The following CREB5 variants were observed in gnomAD, a reference collection of about 807,000 sequenced individuals.
The protein encoded by CREB5 is cyclic AMP-responsive element-binding protein 5.
In CREB5, 19 loss-of-function variants were observed where a neutral mutation model predicts 57.1. That is an observed-to-expected ratio of 0.33 (90% CI 0.23 to 0.49). CREB5 has a LOEUF of 0.49. Ranked by LOEUF, CREB5 falls within the 20% of genes least tolerant of loss-of-function variation. CREB5 has a pLI of 0.99. For synonymous variants in CREB5, 238 were observed against 238.3 expected, an observed-to-expected ratio of 1.00 and a Z score of 0.01; for missense variants, 579 against 671.6, an observed-to-expected ratio of 0.86 and a Z score of 1.52.
chr7:28,792,673 T>C (rs957017088), intron 7 of CREB5, among the ~76,000 whole-genome samples: 1 of 152,212 alleles, frequency 6.6e-6, no homozygotes, highest in South Asian at 2.1e-4. Context: ...AGATTCCGTA[T>C]TTTTTATTCT....
At chr7:28,431,735 G>A (rs961126467) in intron 1 of CREB5, among the ~76,000 whole-genome samples, 1 of 152,130 alleles carries the variant, frequency 6.6e-6, no homozygotes. Flanking sequence ...ACTTGAAGAT[G>A]AAGAAAAAGA....
Position 28,342,872 on chromosome 7 carries a change from A to G in CREB5, c.-25+43431A>G, listed in dbSNP as rs115084566. Among the ~76,000 whole-genome samples the G allele has an allele frequency of 5.3e-3, 803 of 152,322 alleles. 8 individuals are homozygous for G. The highest frequency in any genetic ancestry group is 0.019 in the African/African-American group (770 of 41,570). On this transcript the variant is annotated intron_variant, in intron 1 of 9. Coordinates refer to the CREB5 transcript ENST00000396299. ...CAAATCAGGGTAGTTAGCATGTCTTATAAGTCTATCATTTCTTTGTGGTGA... is the reference window on the plus strand; with the variant it reads ...CAAATCAGGGTAGTTAGCATGTCTTGTAAGTCTATCATTTCTTTGTGGTGA...
intron 7 of CREB5, among the ~76,000 whole-genome samples, chr7:28,794,201 C>A (rs1159610305): frequency 1.3e-5 from 2 of 152,142 alleles, no homozygotes; most frequent in African/African-American, 4.8e-5. Flanking sequence ...TCCAATAGAA[C>A]TTTCTTCTTC....
At chr7:28,778,501 G>C (rs936831813) in intron 7 of CREB5, among the ~76,000 whole-genome samples, 1 of 152,276 alleles carries the variant, frequency 6.6e-6, no homozygotes. Flanking sequence ...GCACTAGTTA[G>C]ATTTAATACA....
At chr7:28,519,756 C>T (rs182868313) in intron 4 of CREB5, among the ~76,000 whole-genome samples, 65 of 152,314 alleles carry the variant, frequency 4.3e-4, no homozygotes, top group African/African-American at 1.5e-3. Flanking sequence ...GTGTATTTCG[C>T]AGGAAAAACA....
intron 1 of CREB5, among the ~76,000 whole-genome samples, chr7:28,392,810 G>A (rs1018344766): frequency 6.6e-6 from 1 of 152,178 alleles, no homozygotes; most frequent in African/African-American, 2.4e-5. Context: ...GACCTCATCT[G>A]TCTCATGACA....
chr7:28,635,723 C>T (rs545834501), intron 5 of CREB5, among the ~76,000 whole-genome samples: 16 of 152,334 alleles, frequency 1.1e-4, no homozygotes, highest in East Asian at 3.9e-4. Context: ...CCACCTGTTT[C>T]GGTTCCCCTA....
intron 4 of CREB5, among the ~76,000 whole-genome samples, chr7:28,514,712 T>C (rs1057463361): frequency 7.2e-5 from 11 of 152,328 alleles, no homozygotes; most frequent in African/African-American, 2.6e-4. Flanking sequence ...GTTTTATTTA[T>C]ATTTGCTATG....
chr7:28,633,727 G>C (rs1798295859), intron 5 of CREB5, among the ~76,000 whole-genome samples: 1 of 152,192 alleles, frequency 6.6e-6, no homozygotes, highest in Non-Finnish European at 1.5e-5. Flanking sequence ...AGTTGAGAAG[G>C]AGGATTATAA....
chr7:28,575,881 G>A (rs114467085), intron 5 of CREB5, among the ~76,000 whole-genome samples: 75 of 152,250 alleles, frequency 4.9e-4, no homozygotes, highest in African/African-American at 1.7e-3. Context: ...CAAGGGGGCC[G>A]GCAGCCTTCC....
intron 5 of CREB5, among the ~76,000 whole-genome samples, chr7:28,630,346 C>G (rs984101): frequency 0.36 from 53,935 of 151,684 alleles, 9,794 homozygotes; most frequent in East Asian, 0.52. Flanking sequence ...TAACAAACTG[C>G]TCACTTCCAA....
intron 5 of CREB5, 105 bp downstream of exon 5, chr7:28,570,642 G>A: frequency 3.9e-6 from 5 of 1,290,344 alleles, no homozygotes; most frequent in Non-Finnish European, 5.4e-6. Context: ...TTTTCTGGCT[G>A]TCATGATATT....
At chr7:28,799,621 T>C (rs1345220059) in intron 7 of CREB5, among the ~76,000 whole-genome samples, 1 of 152,232 alleles carries the variant, frequency 6.6e-6, no homozygotes, top group Non-Finnish European at 1.5e-5. Flanking sequence ...AAAAGTTGTT[T>C]GTAGCTTTGA....
chr7:28,580,697 A>T (rs1796094030), intron 5 of CREB5, among the ~76,000 whole-genome samples: 1 of 151,838 alleles, frequency 6.6e-6, no homozygotes, highest in South Asian at 2.1e-4. Context: ...TGCATTCCAT[A>T]ATTATTATTG....
chr7:28,751,644 G>A (rs1003442009), intron 7 of CREB5, among the ~76,000 whole-genome samples: 15 of 152,084 alleles, frequency 9.9e-5, no homozygotes, highest in Admixed American at 2.0e-4. Flanking sequence ...TGGAAAAGTC[G>A]CAAAAATGGT....
intron 5 of CREB5, among the ~76,000 whole-genome samples, chr7:28,668,457 T>C (rs1799910589): frequency 6.6e-6 from 1 of 152,182 alleles, no homozygotes; most frequent in Non-Finnish European, 1.5e-5. Context: ...AATCCTATTT[T>C]AATTATGCAA....
At chr7:28,376,271 C>CT (rs11386292) in intron 1 of CREB5, among the ~76,000 whole-genome samples, 56,144 of 130,536 alleles carry the variant, frequency 0.43, 13,752 homozygotes, top group East Asian at 0.65. Flanking sequence ...CAGAGAAGTA[C>CT]TTTTTTTTTT....
chr7:28,554,367 A>C (rs1174089765), intron 4 of CREB5, among the ~76,000 whole-genome samples: 1 of 152,188 alleles, frequency 6.6e-6, no homozygotes, highest in Non-Finnish European at 1.5e-5. Context: ...AGTTTCATTA[A>C]AGACATCTTC....
intron 1 of CREB5, among the ~76,000 whole-genome samples, chr7:28,313,151 C>T (rs553767795): frequency 1.3e-5 from 2 of 152,160 alleles, no homozygotes; most frequent in South Asian, 2.1e-4. Flanking sequence ...CTAGTATGTA[C>T]GCAGCTGTTA....
Sources: allele counts gnomAD v4.1 joint callset (sites outside exome capture counted in the v4.1 genomes callset), GRCh38; gene constraint gnomAD v4.1.1; transcripts MANE v1.5; gene names NCBI Gene and HGNC (gene_info 2026-07-23, HGNC 2026-07-21).